CDH16: variants seen among roughly 807,000 people sequenced by gnomAD.
CDH16 encodes cadherin-16.
In CDH16, 79 loss-of-function variants were observed where a neutral mutation model predicts 87.6. The ratio of observed to expected loss-of-function variants is 0.90; its 90% CI spans 0.75 to 1.09. The LOEUF (loss-of-function observed/expected upper bound fraction) is 1.09. Among genes scored for constraint, CDH16 ranks in the 50% least tolerant of loss-of-function variants. The probability of loss-of-function intolerance (pLI) is 0.00; values close to 1 mark genes in which losing one functional copy is unlikely to be tolerated. For missense variants in CDH16, 1,124 were observed against 1,071.7 expected (o/e 1.05, Z -0.68); for synonymous variants, 457 against 439.5 (o/e 1.04, Z -0.50).
intron 1 of CDH16, 23 bp from the exon 2 acceptor site, chr16:66,918,101 T>G (rs769454610): frequency 6.5e-7 from 1 of 1,534,744 alleles, no homozygotes; most frequent in African/African-American, 1.4e-5. Flanking sequence ...GCAGTGAGGA[T>G]CCAGCCCAGG....
intron 12 of CDH16, 41 bp downstream of exon 12, chr16:66,912,201 G>T: frequency 2.5e-6 from 4 of 1,599,316 alleles, no homozygotes; most frequent in Non-Finnish European, 3.4e-6. Context: ...GCATGCATGC[G>T]TGCATGTGTG....
intron 17 of CDH16, 139 bp from the exon 18 acceptor site, chr16:66,908,628 G>T: frequency 1.4e-6 from 1 of 720,824 alleles, no homozygotes. Flanking sequence ...GGCTGGGTAT[G>T]ACTCTGTGGT....
In CDH16 at chr16:66,914,066, A is replaced by T. The variant is rs1962563024; in HGVS notation, c.780+150T>A. 3.0e-6 allele frequency: 2 copies of T among 666,522 alleles called. 1 individual carries two copies. Among genetic ancestry groups the T allele is most frequent in the South Asian group, 3.9e-5 (2 of 51,134 alleles). The allele number at this position is 666,522 out of a possible 1,614,324, so 41.3% of individuals were successfully genotyped here. ...TGGGCCTGCGTCCAGGGCCTTGAAC[A>T]CCCCAGTCCACAGTGGGAAGTAATG... On this transcript the variant is annotated intron_variant, in intron 7 of 17. Coordinates refer to ENST00000299752, the MANE Select transcript of CDH16 (RefSeq NM_004062.4).
rs1394111827 is a variant in CDH16, at chr16:66,912,441, A to G, written c.1360-11T>C. On this transcript the variant is annotated splice_polypyrimidine_tract_variant and intron_variant, in intron 11 of 17. Transcript: ENST00000299752. The stretch of plus-strand genomic sequence containing the variant: ...GCTTATAGGCCCAATCTGGAGGAGG[A>G]GGAGGGATGGTGAGCCCCCCACCAG... 3 of 1,613,874 alleles carry G rather than the reference A, an allele frequency of 1.9e-6. No homozygotes were observed. In the South Asian group the frequency reaches 3.3e-5, roughly 18 times the overall value.
intron 5 of CDH16, among the ~76,000 whole-genome samples, chr16:66,915,815 A>T (rs1962652817): frequency 6.6e-6 from 1 of 152,176 alleles, no homozygotes; most frequent in Non-Finnish European, 1.5e-5. Flanking sequence ...AGAATTGCTT[A>T]AACCTAGGAG....
Position 66,918,074 on chromosome 16 carries a change from C to A in CDH16, c.-9G>T. 6.3e-7 allele frequency: 1 copy of A among 1,577,892 alleles called. No individual in the cohort carries two copies. Among genetic ancestry groups the A allele is most frequent in the Non-Finnish European group, 8.6e-7 (1 of 1,161,562 alleles). Reference sequence around the variant, plus strand: ...AGCCAGGCAGGGACCATGGTCAGGACAGGCCTGAGGGACACGGCAGTGAGG... The same window carrying A: ...AGCCAGGCAGGGACCATGGTCAGGAAAGGCCTGAGGGACACGGCAGTGAGG... On this transcript the variant is annotated 5_prime_UTR_variant, in exon 2 of 18. Transcript: ENST00000299752.
intron 14 of CDH16, 144 bp from the exon 15 acceptor site, chr16:66,910,646 T>C (rs1962372023): frequency 2.3e-6 from 2 of 881,200 alleles, no homozygotes; most frequent in Non-Finnish European, 3.1e-6. Flanking sequence ...CCACCTGTCA[T>C]CATCCCCATG....
chr16:66,911,825 C>T, intron 13 of CDH16, 74 bp downstream of exon 13: 1 of 1,492,818 alleles, frequency 6.7e-7, no homozygotes, highest in Non-Finnish European at 9.0e-7. Flanking sequence ...TGTGAGTCCC[C>T]TCTGAGGCCC....
chr16:66,912,967 G>T, intron 9 of CDH16, 76 bp from the exon 10 acceptor site: 1 of 1,462,534 alleles, frequency 6.8e-7, no homozygotes, highest in Non-Finnish European at 9.4e-7. Flanking sequence ...CTTATTTTGT[G>T]CCAAACTAAA....
At chr16:66,913,076 G>C in intron 9 of CDH16, 55 bp downstream of exon 9, 2 of 1,560,730 alleles carry the variant, frequency 1.3e-6, no homozygotes, top group Non-Finnish European at 1.7e-6. Context: ...TCCCAGAGAA[G>C]AGCAAGACCA....
chr16:66,912,968 C>T, intron 9 of CDH16, 77 bp from the exon 10 acceptor site: 1 of 1,446,298 alleles, frequency 6.9e-7, no homozygotes. Context: ...TTATTTTGTG[C>T]CAAACTAAAC....
chr16:66,913,957 T>C (rs1962556880), intron 7 of CDH16, among the ~76,000 whole-genome samples: 1 of 152,304 alleles, frequency 6.6e-6, no homozygotes, highest in Middle Eastern at 3.4e-3. Context: ...GCAGCTGTTC[T>C]CTCTGAGGAA....
In CDH16 at chr16:66,909,938, C is replaced by T; in HGVS notation, c.2275+48G>A. On this transcript the variant is annotated intron_variant, in intron 16 of 17. Transcript: ENST00000299752. The surrounding 1 kb of genome is among the most constrained non-coding windows in gnomAD (Gnocchi z 4.1). ...TGTACCAGCTCCCTCCCCTTGCATC[C>T]CAGCGGTTCCCTCAGGAACTGCAGG... is the stretch of plus-strand genomic sequence containing the variant. 1 of 1,402,214 alleles carries T rather than the reference C, an allele frequency of 7.1e-7. No homozygotes were observed. The highest frequency in any genetic ancestry group is 1.3e-5 in the South Asian group (1 of 78,164). The allele number at this position is 1,402,214 out of a possible 1,614,324, so 86.9% of individuals were successfully genotyped here.
At chr16:66,913,684 G>A (rs921564206) in intron 7 of CDH16, 71 bp from the exon 8 acceptor site, 47 of 1,574,930 alleles carry the variant, frequency 3.0e-5, no homozygotes, top group Non-Finnish European at 3.7e-5. Flanking sequence ...CTGATTTCTC[G>A]TTGAGGAGCC....
At position 66,909,332 on chromosome 16, in the gene CDH16, C is replaced by T. The variant is rs971619864; in HGVS notation, c.2327G>A (p.Arg776His). ...CAGCTTCGTGGGCATGCCCTTCATGCGGCCCACCTTGCGCATGCACTGCCC... is the reference window on the plus strand; with the variant it reads ...CAGCTTCGTGGGCATGCCCTTCATGTGGCCCACCTTGCGCATGCACTGCCC... ...VEGQCMRKVGRMKGMPTKLSA... is the reference protein window; with the variant it reads ...VEGQCMRKVGHMKGMPTKLSA... Residue 776 changes from arginine to histidine, a missense_variant, in exon 17 of 18, where the codon CGC (arginine) becomes CAC (histidine). Transcript: ENST00000299752. The surrounding 1 kb of genome is among the most constrained non-coding windows in gnomAD (Gnocchi z 4.1). 17 of 1,584,812 alleles carry T rather than the reference C, an allele frequency of 1.1e-5. No individual in the cohort carries two copies. The highest frequency in any genetic ancestry group is 1.7e-4 in the Middle Eastern group (1 of 5,932).
At position 66,913,557 on chromosome 16, in the gene CDH16, G is replaced by A; in HGVS notation, c.837C>T (p.Pro279=). The change falls in exon 8 of 18, where the codon CCC becomes CCT. Residue 279 remains proline, a synonymous_variant. Coordinates refer to ENST00000299752, the MANE Select transcript of CDH16 (RefSeq NM_004062.4). ...HYHLESHPPG[P]FEVNAEGNLY... ...GGTTTCCCTCTGCATTCACTTCAAA[G>A]GGTCCCGGGGGATGGCTCTCCAGGT... 1 of 1,614,124 alleles carries A rather than the reference G, an allele frequency of 6.2e-7. No homozygotes were observed. The highest frequency in any genetic ancestry group is 2.2e-5 in the East Asian group (1 of 44,888).
At position 66,909,052 on chromosome 16, in the gene CDH16, C is replaced by CA. The variant is rs1229563988; in HGVS notation, c.2392+214dup. 6.6e-6 allele frequency among the ~76,000 whole-genome samples: 1 copy of CA among 152,154 alleles called. No homozygotes were observed. The highest frequency in any genetic ancestry group is 1.9e-4 in the East Asian group (1 of 5,198). On this transcript the variant is annotated intron_variant, in intron 17 of 17. Transcript: ENST00000299752. This position sits in a 1 kb window ranked among gnomAD's most constrained non-coding sequence, Gnocchi z 4.1. The stretch of plus-strand genomic sequence containing the variant: ...GAGGATTCCTGGCAATAGTCCCTGC[C>CA]ACACAGTCAATGTGCAATCATGTGA...
At position 66,908,387 on chromosome 16, in the gene CDH16, G is replaced by A. The variant is rs1347282647; in HGVS notation, c.*5C>T. The A allele has an allele frequency of 6.2e-7, 1 of 1,612,832 alleles. No individual in the cohort carries two copies. The highest frequency in any genetic ancestry group is 1.3e-5 in the African/African-American group (1 of 75,036). On this transcript the variant is annotated 3_prime_UTR_variant, in exon 18 of 18. Transcript: ENST00000299752. Reference sequence around the variant, plus strand: ...CAAGCTCCCAGCTAGAGCTGCCTGGGCCATTCAGACAGTCGCCTTCAGGGG... The same window carrying A: ...CAAGCTCCCAGCTAGAGCTGCCTGGACCATTCAGACAGTCGCCTTCAGGGG...
Position 66,916,058 on chromosome 16 carries a change from C to A in CDH16, c.424+7G>T. On this transcript the variant is annotated splice_region_variant and intron_variant, in intron 5 of 17. Coordinates refer to ENST00000299752, the MANE Select transcript of CDH16 (RefSeq NM_004062.4). The surrounding 1 kb of genome is among the most constrained non-coding windows in gnomAD (Gnocchi z 4.1). ...CTTACTGTAAATTGGCTGCCCTGGT[C>A]ACTCACCAGGCCTGGTACCCCGGCT... The A allele has an allele frequency of 6.2e-7, 1 of 1,614,126 alleles. No individual in the cohort carries two copies. The highest frequency in any genetic ancestry group is 1.3e-5 in the African/African-American group (1 of 75,072).
Sources: allele counts gnomAD v4.1 joint callset (sites outside exome capture counted in the v4.1 genomes callset), GRCh38; gene constraint gnomAD v4.1.1; non-coding constraint Gnocchi (gnomAD v3.1); transcripts MANE v1.5; gene names NCBI Gene and HGNC (gene_info 2026-07-23, HGNC 2026-07-21).